The following ABCA12 variants were observed in gnomAD, a reference collection of about 807,000 sequenced individuals.
ABCA12 encodes glucosylceramide transporter ABCA12.
ABCA12 carries 156 observed loss-of-function variants against 293.5 expected under a neutral mutation model. The observed-to-expected ratio is 0.53, with a 90% CI of 0.47 to 0.61. ABCA12 has a LOEUF of 0.61. ABCA12 is among the 20% of genes least tolerant of loss of function. The pLI is 0.00. For missense variants in ABCA12, 2,797 were observed against 3,090.2 expected (o/e 0.91, Z 2.25); for synonymous variants, 1,063 against 1,108.0 (o/e 0.96, Z 0.81).
chr2:215,046,284 T>C (rs760189265), intron 6 of ABCA12, among the ~76,000 whole-genome samples: 6 of 151,668 alleles, frequency 4.0e-5, no homozygotes, highest in African/African-American at 1.4e-4. Flanking sequence ...TTTCAAATTA[T>C]ATATTTGGAA....
chr2:215,110,302 A>G (rs947795921), intron 2 of ABCA12, among the ~76,000 whole-genome samples: 3 of 152,218 alleles, frequency 2.0e-5, no homozygotes, highest in Non-Finnish European at 4.4e-5. Flanking sequence ...CAAGGTCAGG[A>G]GATCAAGACC....
In ABCA12 at chr2:214,984,392, A is replaced by G. The variant is rs983698778; in HGVS notation, c.4164-527T>C. 1.3e-5 allele frequency among the ~76,000 whole-genome samples: 2 copies of G among 152,116 alleles called. 1 individual carries two copies. Among genetic ancestry groups the G allele is most frequent in the South Asian group, 4.1e-4 (2 of 4,838 alleles). On this transcript the variant is annotated intron_variant, in intron 28 of 52. Coordinates refer to ENST00000272895, the MANE Select transcript of ABCA12 (RefSeq NM_173076.3). ...ATTACAGGCATGAGCCACTGCGCCC[A>G]GCCATGATTGGGCTTTTAAATTCCA...
chr2:215,073,497 T>C (rs1386772534), intron 2 of ABCA12, among the ~76,000 whole-genome samples: 1 of 151,852 alleles, frequency 6.6e-6, no homozygotes, highest in Non-Finnish European at 1.5e-5. Context: ...ACCGTGCTGA[T>C]TGGTCATATC....
intron 1 of ABCA12, among the ~76,000 whole-genome samples, chr2:215,137,285 T>C (rs1703249817): frequency 6.6e-6 from 1 of 152,204 alleles, no homozygotes; most frequent in Admixed American, 6.6e-5. Flanking sequence ...TTCTGTGTGA[T>C]GCATATTATT....
chr2:215,094,887 A>G (rs1220694824), intron 2 of ABCA12, among the ~76,000 whole-genome samples: 1 of 152,016 alleles, frequency 6.6e-6, no homozygotes, highest in Non-Finnish European at 1.5e-5. Context: ...GCTCCCTCTC[A>G]TCTTTTCACT....
chr2:215,058,978 A>T (rs774713107), intron 3 of ABCA12, among the ~76,000 whole-genome samples: 1 of 151,984 alleles, frequency 6.6e-6, no homozygotes, highest in Non-Finnish European at 1.5e-5. Context: ...TCTTTTTCCT[A>T]TGAGTAGGAA....
At chr2:215,040,774 T>C (rs1701083218) in intron 7 of ABCA12, among the ~76,000 whole-genome samples, 3 of 152,174 alleles carry the variant, frequency 2.0e-5, no homozygotes, top group Admixed American at 6.5e-5. Flanking sequence ...ATCATACCAC[T>C]GCACTCCAGA....
Position 214,997,822 on chromosome 2 carries a change from C to CA in ABCA12, c.3180-14dup, listed in dbSNP as rs1393463179. ...ACTGGTTAGGAAGCTGTAAAACAAACAAAAAAAGAAAAATTCAGCGACCAA... is the reference window on the plus strand; with the variant it reads ...ACTGGTTAGGAAGCTGTAAAACAAACAAAAAAAAGAAAAATTCAGCGACCAA... On this transcript the variant is annotated splice_polypyrimidine_tract_variant and intron_variant, in intron 22 of 52. Coordinates refer to ENST00000272895, the MANE Select transcript of ABCA12 (RefSeq NM_173076.3). 1.3e-6 allele frequency: 2 copies of CA among 1,569,342 alleles called. No homozygotes were observed. The highest frequency in any genetic ancestry group is 2.2e-5 in the East Asian group (1 of 44,482).
Position 215,138,372 on chromosome 2 carries a change from C to T in ABCA12, c.-164G>A. ...GAAACCCACAGTTCTTCTGTTTCTG[C>T]TGGATTTTTCCCTGTGGTTAATCCT... is the stretch of plus-strand genomic sequence containing the variant. On this transcript the variant is annotated 5_prime_UTR_variant, in exon 1 of 53. Coordinates refer to ENST00000272895, the MANE Select transcript of ABCA12 (RefSeq NM_173076.3). 1.4e-6 allele frequency: 1 copy of T among 736,022 alleles called. No individual in the cohort carries two copies. The highest frequency in any genetic ancestry group is 1.7e-5 in the African/African-American group (1 of 57,536). 45.6% of individuals were successfully genotyped at this position (736,022 alleles called of 1,614,324 possible). A position where few individuals can be genotyped will look rare whatever the true frequency, so the allele number is the denominator to read the frequency against.
At chr2:215,090,205 ACT>A (rs1464235814) in intron 2 of ABCA12, among the ~76,000 whole-genome samples, 2 of 151,832 alleles carry the variant, frequency 1.3e-5, no homozygotes, top group East Asian at 1.9e-4. Flanking sequence ...TCCTTTGCTG[ACT>A]CTCTTTTCGG....
At chr2:215,103,269 T>TTC (rs1431605654) in intron 2 of ABCA12, among the ~76,000 whole-genome samples, 25 of 136,448 alleles carry the variant, frequency 1.8e-4, no homozygotes, top group Non-Finnish European at 3.3e-4. Flanking sequence ...ATTTCTTTCT[T>TTC]TTTTTTTTTT....
chr2:215,138,472 C>G lies in ABCA12; in HGVS notation c.-264G>C, dbSNP rs779795827. On this transcript the variant is annotated 5_prime_UTR_variant, in exon 1 of 53. Coordinates refer to ENST00000272895, the MANE Select transcript of ABCA12 (RefSeq NM_173076.3). ...GATCAGTATCTTTGGGTGGCTTATG[C>G]TTATTTTAAAATAATATCCAGTTGC... 30 of 484,796 alleles carry G rather than the reference C, an allele frequency of 6.2e-5. No individual in the cohort carries two copies. Among genetic ancestry groups the G allele is most frequent in the Non-Finnish European group, 1.1e-4 (30 of 265,912 alleles). The allele number at this position is 484,796 out of a possible 1,614,324, so 30.0% of individuals were successfully genotyped here. A position where few individuals can be genotyped will look rare whatever the true frequency, so the allele number is the denominator to read the frequency against.
intron 45 of ABCA12, among the ~76,000 whole-genome samples, chr2:214,950,148 A>C: frequency 6.6e-6 from 1 of 152,182 alleles, no homozygotes; most frequent in Non-Finnish European, 1.5e-5. Flanking sequence ...GGGTATTATA[A>C]GTAATCTAGA....
At chr2:215,112,333 ATTTT>A (rs35532740) in intron 1 of ABCA12, among the ~76,000 whole-genome samples, 6 of 126,682 alleles carry the variant, frequency 4.7e-5, no homozygotes, top group African/African-American at 1.5e-4. Flanking sequence ...ATAGTCAATG[ATTTT>A]TTTTTTTTTT....
At chr2:215,062,952 T>A (rs1313983374) in intron 3 of ABCA12, among the ~76,000 whole-genome samples, 3 of 152,064 alleles carry the variant, frequency 2.0e-5, no homozygotes, top group Admixed American at 2.0e-4. Context: ...TTTATTCACC[T>A]CTGTATCCCA....
intron 8 of ABCA12, 125 bp from the exon 9 acceptor site, chr2:215,032,021 CA>C (rs1235613300): frequency 6.4e-7 from 1 of 1,555,176 alleles, no homozygotes; most frequent in African/African-American, 1.4e-5. Context: ...GAATCATTCT[CA>C]AAAGAATTGT....
chr2:214,965,392 TTAAAC>T lies in ABCA12; in HGVS notation c.5884+1451_5884+1455del, dbSNP rs972961006. On this transcript the variant is annotated intron_variant, in intron 39 of 52. Transcript: ENST00000272895. ...GCAAAAATTGACAAATGGGATCTAA[TTAAAC>T]TAAAGAGCTTCTGCATAGAGAAGGA... 6.9e-4 allele frequency among the ~76,000 whole-genome samples: 105 copies of T among 152,244 alleles called. 1 individual carries two copies. The highest frequency in any genetic ancestry group is 2.3e-3 in the African/African-American group (95 of 41,538).
chr2:215,074,696 C>T (rs1356491201), intron 2 of ABCA12, among the ~76,000 whole-genome samples: 3 of 152,166 alleles, frequency 2.0e-5, no homozygotes, highest in African/African-American at 7.2e-5. Flanking sequence ...GTAATCCCAG[C>T]ACTTTGGGAG....
At chr2:214,936,434 C>A (rs2105909873) in intron 51 of ABCA12, among the ~76,000 whole-genome samples, 1 of 152,270 alleles carries the variant, frequency 6.6e-6, no homozygotes, top group Admixed American at 6.5e-5. Context: ...ATCACATGGG[C>A]ACAATTGGAC....
Sources: gnomAD v4.1 joint callset for allele counts (sites outside exome capture counted in the v4.1 genomes callset) on GRCh38, gnomAD v4.1.1 for gene constraint, MANE v1.5 for transcripts, NCBI Gene and HGNC (gene_info 2026-07-23, HGNC 2026-07-21) for gene names.